RAI14: variants seen among roughly 807,000 people sequenced by gnomAD.
The protein encoded by RAI14 is retinoic acid induced 14.
In RAI14, 45 loss-of-function variants were observed where a neutral mutation model predicts 115.4. That is an observed-to-expected ratio of 0.39 (90% CI 0.31 to 0.50). The LOEUF is 0.50. RAI14 is among the 20% of genes least tolerant of loss of function. The pLI is 0.85. For missense variants in RAI14, 939 were observed against 1,131.2 expected (o/e 0.83, Z 2.44); for synonymous variants, 371 against 415.4 (o/e 0.89, Z 1.30).
At chr5:34,783,469 C>A (rs529122322) in intron 3 of RAI14, among the ~76,000 whole-genome samples, 2 of 152,164 alleles carry the variant, frequency 1.3e-5, no homozygotes, top group Admixed American at 6.5e-5. Context: ...ACAAGCATAA[C>A]CTCTACCCCA....
rs375578862 is a variant in RAI14 at position 34,815,405 on chromosome 5, A to G, written c.939+736A>G. ...AAAAAAAAAAAAAGAAAAGAAAAAAATACAAAAATTAGTTGGGCCTGGTGG... is the reference window on the plus strand; with the variant it reads ...AAAAAAAAAAAAAGAAAAGAAAAAAGTACAAAAATTAGTTGGGCCTGGTGG... On this transcript the variant is annotated intron_variant, in intron 12 of 17. Coordinates refer to ENST00000265109, the MANE Select transcript of RAI14 (RefSeq NM_015577.3). Among the ~76,000 whole-genome samples, 22 of 151,964 alleles carry G rather than the reference A, an allele frequency of 1.4e-4. No individual in the cohort carries two copies. The South Asian group carries it at 3.7e-3, about 26-fold the overall frequency.
intron 2 of RAI14, among the ~76,000 whole-genome samples, chr5:34,722,356 A>G (rs1364912697): frequency 6.6e-6 from 1 of 151,614 alleles, no homozygotes; most frequent in East Asian, 1.9e-4. Flanking sequence ...GTGGTGACAC[A>G]GTGAGCAGCT....
chr5:34,731,851 A>G (rs370885905), intron 2 of RAI14, among the ~76,000 whole-genome samples: 2 of 152,340 alleles, frequency 1.3e-5, no homozygotes, highest in South Asian at 2.1e-4. Flanking sequence ...AAGGCAGTTG[A>G]GAATTAACCC....
At chr5:34,739,681 G>A (rs932357440) in intron 2 of RAI14, among the ~76,000 whole-genome samples, 1 of 152,072 alleles carries the variant, frequency 6.6e-6, no homozygotes, top group African/African-American at 2.4e-5. Context: ...TTTTCCTCAG[G>A]CAAGCATTCA....
At chr5:34,724,364 A>G (rs1021560149) in intron 2 of RAI14, among the ~76,000 whole-genome samples, 2 of 152,116 alleles carry the variant, frequency 1.3e-5, no homozygotes, top group Admixed American at 6.6e-5. Context: ...AATCTGCTTG[A>G]TAAGATACCC....
At chr5:34,794,930 C>T (rs545836776) in intron 3 of RAI14, among the ~76,000 whole-genome samples, 1 of 152,162 alleles carries the variant, frequency 6.6e-6, no homozygotes, top group East Asian at 1.9e-4. Context: ...GGTACAGACA[C>T]CAAGGGACTT....
chr5:34,780,327 A>T (rs1007128709), intron 3 of RAI14, among the ~76,000 whole-genome samples: 20 of 152,138 alleles, frequency 1.3e-4, no homozygotes, highest in Non-Finnish European at 2.5e-4. Flanking sequence ...GGACTTCATG[A>T]CTAAAACACC....
At chr5:34,786,923 T>A (rs1752365419) in intron 3 of RAI14, among the ~76,000 whole-genome samples, 1 of 152,256 alleles carries the variant, frequency 6.6e-6, no homozygotes, top group African/African-American at 2.4e-5. Context: ...TCATAAGATT[T>A]ACTAAAAGTA....
At chr5:34,817,906 G>C (rs1756443611) in intron 12 of RAI14, among the ~76,000 whole-genome samples, 1 of 152,112 alleles carries the variant, frequency 6.6e-6, no homozygotes, top group African/African-American at 2.4e-5. Context: ...TGGTTCCATA[G>C]GTATACATCT....
Position 34,780,035 on chromosome 5 carries a change from A to G in RAI14, c.168-15904A>G, listed in dbSNP as rs984058931. ...TACCAAAACAAGAGGTATAATACCA[A>G]TGGAACAGAACAGAGCCCTCAGAAA... On this transcript the variant is annotated intron_variant, in intron 3 of 17. Coordinates refer to ENST00000265109, the MANE Select transcript of RAI14 (RefSeq NM_015577.3). Among the ~76,000 whole-genome samples the G allele has an allele frequency of 5.9e-5, 9 of 152,332 alleles. No homozygotes were observed. The East Asian group carries it at 1.2e-3, about 20-fold the overall frequency.
chr5:34,663,372 T>G (rs1452536781), intron 1 of RAI14, among the ~76,000 whole-genome samples: 1 of 152,020 alleles, frequency 6.6e-6, no homozygotes, highest in Non-Finnish European at 1.5e-5. Context: ...AAAAATTAGT[T>G]GGGCATGGTG....
chr5:34,828,622 G>T (rs978201049), intron 16 of RAI14, among the ~76,000 whole-genome samples: 8 of 152,160 alleles, frequency 5.3e-5, no homozygotes, highest in African/African-American at 1.9e-4. Context: ...ATGGACTTTT[G>T]TACATTTTTG....
In RAI14 at chr5:34,771,502, C is replaced by T. The variant is rs899602623; in HGVS notation, c.167+13904C>T. Among the ~76,000 whole-genome samples, 6 of 152,040 alleles carry T rather than the reference C, an allele frequency of 3.9e-5. No homozygotes were observed. The East Asian group carries it at 5.8e-4, about 15-fold the overall frequency. On this transcript the variant is annotated intron_variant, in intron 3 of 17. Transcript: ENST00000265109. ...ATTTCCTCCCAATATCTATTTCAGCCGGTAATCAGAAACCAGAATAATTGT... is the reference window on the plus strand; with the variant it reads ...ATTTCCTCCCAATATCTATTTCAGCTGGTAATCAGAAACCAGAATAATTGT...
intron 3 of RAI14, among the ~76,000 whole-genome samples, chr5:34,763,959 C>G (rs1749013477): frequency 6.6e-6 from 1 of 152,186 alleles, no homozygotes; most frequent in African/African-American, 2.4e-5. Context: ...TCAAACTGTT[C>G]TCCTGCCTCA....
At position 34,705,809 on chromosome 5, in the gene RAI14, G is replaced by A. The variant is rs62355150; in HGVS notation, c.36+18854G>A. On this transcript the variant is annotated intron_variant, in intron 2 of 17. Coordinates refer to ENST00000265109, the MANE Select transcript of RAI14 (RefSeq NM_015577.3). The stretch of plus-strand genomic sequence containing the variant: ...ATTACAGACATGCACCACCACATCC[G>A]ACTAATTTTGTATTTTTAGTAGAGA... Among the ~76,000 whole-genome samples the A allele has an allele frequency of 8.7e-4, 132 of 152,164 alleles. 1 individual carries two copies. The highest frequency in any genetic ancestry group is 3.1e-3 in the African/African-American group (128 of 41,510).
chr5:34,724,651 G>A (rs1365679240), intron 2 of RAI14, among the ~76,000 whole-genome samples: 2 of 151,980 alleles, frequency 1.3e-5, no homozygotes, highest in Non-Finnish European at 2.9e-5. Context: ...AGTTCAAATA[G>A]GAAAAAAGGA....
rs566459567 is a variant in RAI14 at position 34,777,989 on chromosome 5, A to C, written c.168-17950A>C. 4.6e-5 allele frequency among the ~76,000 whole-genome samples: 7 copies of C among 152,326 alleles called. No homozygotes were observed. The South Asian group carries it at 1.4e-3, about 32-fold the overall frequency. On this transcript the variant is annotated intron_variant, in intron 3 of 17. Coordinates refer to ENST00000265109, the MANE Select transcript of RAI14 (RefSeq NM_015577.3). Reference sequence around the variant, plus strand: ...AACAATGTCTTGTCTATTGTAAAGTATGTAGAAGAGAGGACTTTAAATGTT... The same window carrying C: ...AACAATGTCTTGTCTATTGTAAAGTCTGTAGAAGAGAGGACTTTAAATGTT...
At chr5:34,752,806 C>T (rs555161070) in intron 2 of RAI14, among the ~76,000 whole-genome samples, 7 of 145,778 alleles carry the variant, frequency 4.8e-5, no homozygotes, top group Non-Finnish European at 9.0e-5. Context: ...CTTGGGTTGT[C>T]GCCCAGGTTG....
chr5:34,826,683 C>T (rs1019893888), intron 16 of RAI14, among the ~76,000 whole-genome samples: 1 of 152,182 alleles, frequency 6.6e-6, no homozygotes, highest in African/African-American at 2.4e-5. Context: ...AGCAATGCAA[C>T]GGGTCAGATA....
Sources: allele counts gnomAD v4.1 joint callset (sites outside exome capture counted in the v4.1 genomes callset), GRCh38; gene constraint gnomAD v4.1.1; transcripts MANE v1.5; gene names NCBI Gene and HGNC (gene_info 2026-07-23, HGNC 2026-07-21).